The following RALGAPA1 variants were observed in gnomAD, a reference collection of about 807,000 sequenced individuals.
The protein encoded by RALGAPA1 is Ral GTPase activating protein catalytic subunit alpha 1, also known as ral GTPase-activating protein subunit alpha-1.
Under a neutral mutation model 269.6 loss-of-function variants are expected in RALGAPA1, and 52 were observed. That is an observed-to-expected ratio of 0.19 (90% CI 0.15 to 0.24). The LOEUF (loss-of-function observed/expected upper bound fraction) is 0.24. Among genes scored for constraint, RALGAPA1 ranks in the 10% least tolerant of loss-of-function variants. The pLI is 1.00. For missense variants in RALGAPA1, 1,917 were observed against 3,013.9 expected, an observed-to-expected ratio of 0.64 and a Z score of 8.52; for synonymous variants, 817 against 1,008.3, an observed-to-expected ratio of 0.81 and a Z score of 3.60.
At chr14:35,700,702 G>A (rs1348806740) in intron 16 of RALGAPA1, among the ~76,000 whole-genome samples, 2 of 152,094 alleles carry the variant, frequency 1.3e-5, no homozygotes, top group East Asian at 1.9e-4. Context: ...CATTTCTCTA[G>A]GCAATCCTGA....
rs2069560686 is a variant in RALGAPA1 at position 35,722,964 on chromosome 14, G to C, written c.2104+63C>G. The stretch of plus-strand genomic sequence containing the variant: ...TCACCCTCACCCCTCTCCCTGGAAT[G>C]GTTTTCCCTGACTCAATTATTTAAA... On this transcript the variant is annotated intron_variant, in intron 15 of 41. Transcript: ENST00000680220. The C allele has an allele frequency of 1.4e-5, 13 of 915,842 alleles. No individual in the cohort carries two copies. In the South Asian group the frequency reaches 2.2e-4, roughly 16 times the overall value. 56.7% of individuals were successfully genotyped at this position (915,842 alleles called of 1,614,324 possible).
chr14:35,676,349 T>C, intron 22 of RALGAPA1: 1 of 152,224 alleles, frequency 6.6e-6, no homozygotes, highest in Non-Finnish European at 1.5e-5. Context: ...GTAGCTGGGA[T>C]GACAGGCGTG....
intron 31 of RALGAPA1, among the ~76,000 whole-genome samples, chr14:35,638,544 C>T (rs2061809156): frequency 1.3e-5 from 2 of 151,434 alleles, no homozygotes; most frequent in South Asian, 4.2e-4. Flanking sequence ...AAAAGGAAAA[C>T]AGGAAGGAAG....
At chr14:35,546,058 T>A (rs1181957201) in intron 41 of RALGAPA1, among the ~76,000 whole-genome samples, 1 of 152,062 alleles carries the variant, frequency 6.6e-6, no homozygotes, top group Non-Finnish European at 1.5e-5. Flanking sequence ...TTATGAAAGA[T>A]CAACAAAGTG....
intron 17 of RALGAPA1, among the ~76,000 whole-genome samples, chr14:35,694,333 T>C (rs930248606): frequency 6.6e-6 from 1 of 152,164 alleles, no homozygotes; most frequent in African/African-American, 2.4e-5. Context: ...TACATAGAAA[T>C]TGATGCCATT....
At chr14:35,788,922 A>G (rs2075977407) in intron 1 of RALGAPA1, among the ~76,000 whole-genome samples, 3 of 152,106 alleles carry the variant, frequency 2.0e-5, no homozygotes, top group Admixed American at 2.0e-4. Flanking sequence ...CTCCCCTCAA[A>G]CCTAGTATAT....
At chr14:35,752,467 C>G in intron 7 of RALGAPA1, among the ~76,000 whole-genome samples, 1 of 152,070 alleles carries the variant, frequency 6.6e-6, no homozygotes, top group Admixed American at 6.6e-5. Context: ...AATAATTCAG[C>G]CTAAAAAACC....
intron 36 of RALGAPA1, among the ~76,000 whole-genome samples, chr14:35,603,537 C>T (rs775639453): frequency 9.9e-5 from 15 of 152,078 alleles, no homozygotes; most frequent in African/African-American, 2.2e-4. Flanking sequence ...CAAACAGATA[C>T]CTGCACTGCC....
At position 35,785,518 on chromosome 14, in the gene RALGAPA1, A is replaced by C. The variant is rs576258638; in HGVS notation, c.107-9773T>G. On this transcript the variant is annotated intron_variant, in intron 1 of 41. Coordinates refer to ENST00000680220, the MANE Select transcript of RALGAPA1 (RefSeq NM_001346249.2). Reference sequence around the variant, plus strand: ...TACTGGGAAGAGAAAATATACTTTGAAACAACAGAGGATAAAGGCAGAGGA... The same window carrying C: ...TACTGGGAAGAGAAAATATACTTTGCAACAACAGAGGATAAAGGCAGAGGA... Among the ~76,000 whole-genome samples the C allele has an allele frequency of 1.1e-4, 17 of 152,366 alleles. No individual in the cohort carries two copies. The South Asian group carries it at 3.5e-3, about 32-fold the overall frequency.
chr14:35,741,781 T>C (rs1213232156), intron 11 of RALGAPA1, among the ~76,000 whole-genome samples: 1 of 152,200 alleles, frequency 6.6e-6, no homozygotes, highest in African/African-American at 2.4e-5. Context: ...AAGGAATAAA[T>C]GGAACCCCAG....
At chr14:35,699,403 TA>T (rs1309794740) in intron 17 of RALGAPA1, among the ~76,000 whole-genome samples, 1 of 152,100 alleles carries the variant, frequency 6.6e-6, no homozygotes, top group Non-Finnish European at 1.5e-5. Flanking sequence ...TGATGGTTAA[TA>T]GGGGTATGTA....
intron 18 of RALGAPA1, among the ~76,000 whole-genome samples, chr14:35,687,582 A>C (rs1224491456): frequency 6.6e-6 from 1 of 152,226 alleles, no homozygotes; most frequent in African/African-American, 2.4e-5. Context: ...TAACAAAACC[A>C]TGTTAAAACA....
intron 39 of RALGAPA1, among the ~76,000 whole-genome samples, chr14:35,559,392 G>A (rs2055944191): frequency 6.6e-6 from 1 of 152,006 alleles, no homozygotes; most frequent in African/African-American, 2.4e-5. Context: ...CATATTTAAA[G>A]AGTAGAATAA....
intron 3 of RALGAPA1, among the ~76,000 whole-genome samples, chr14:35,772,964 G>C (rs1394305360): frequency 6.6e-6 from 1 of 152,086 alleles, no homozygotes; most frequent in Non-Finnish European, 1.5e-5. Flanking sequence ...ATAAATGCTG[G>C]TCCCACATGA....
chr14:35,751,791 A>AAAC (rs71445958), intron 8 of RALGAPA1, among the ~76,000 whole-genome samples: 3 of 146,328 alleles, frequency 2.1e-5, no homozygotes, highest in African/African-American at 7.5e-5. Flanking sequence ...CTCTTAAAAA[A>AAAC]AACAACAACA....
At chr14:35,700,012 C>G in intron 17 of RALGAPA1, 150 bp downstream of exon 17, 1 of 657,074 alleles carries the variant, frequency 1.5e-6, no homozygotes, top group South Asian at 2.6e-5. Flanking sequence ...TCAAATAACT[C>G]AAAATGTTGA....
intron 12 of RALGAPA1, among the ~76,000 whole-genome samples, chr14:35,730,266 T>C (rs2070352529): frequency 1.3e-5 from 2 of 152,174 alleles, no homozygotes; most frequent in Non-Finnish European, 2.9e-5. Flanking sequence ...AGGCCATTCC[T>C]GCCTGGCACC....
At chr14:35,756,726 G>C in intron 7 of RALGAPA1, 67 bp downstream of exon 7, 2 of 1,119,288 alleles carry the variant, frequency 1.8e-6, no homozygotes, top group Non-Finnish European at 2.6e-6. Flanking sequence ...ATAATGGTAA[G>C]AGACAGAAAA....
chr14:35,758,556 T>A (rs972940916), intron 6 of RALGAPA1, among the ~76,000 whole-genome samples: 13 of 152,078 alleles, frequency 8.5e-5, no homozygotes, highest in African/African-American at 2.4e-4. Flanking sequence ...AAATAATAAT[T>A]ATTTTTAAAG....
Sources: allele counts gnomAD v4.1 joint callset (sites outside exome capture counted in the v4.1 genomes callset), GRCh38; gene constraint gnomAD v4.1.1; transcripts MANE v1.5; gene names NCBI Gene and HGNC (gene_info 2026-07-23, HGNC 2026-07-21).